PINX1: variants seen among roughly 807,000 people sequenced by gnomAD.
PINX1 encodes PIN2/TERF1-interacting telomerase inhibitor 1.
Under a neutral mutation model 25.4 loss-of-function variants are expected in PINX1, and 34 were observed. The observed-to-expected ratio is 1.34, with a 90% CI of 1.02 to 1.78. PINX1 has a LOEUF of 1.78. Ranked by LOEUF, PINX1 falls within the 40% of genes most tolerant of loss-of-function variation. The pLI, the probability that PINX1 is intolerant of heterozygous loss-of-function variation, is 0.00. For synonymous variants in PINX1, 197 were observed against 147.7 expected, an observed-to-expected ratio of 1.33 and a Z score of -2.42; for missense variants, 592 against 404.9, an observed-to-expected ratio of 1.46 and a Z score of -3.97.
intron 6 of PINX1, among the ~76,000 whole-genome samples, chr8:10,769,056 C>G (rs78781176): frequency 6.6e-6 from 1 of 152,208 alleles, no homozygotes; most frequent in South Asian, 2.1e-4. Flanking sequence ...TGTCTGTTTG[C>G]TAACTGTGTG....
intron 6 of PINX1, among the ~76,000 whole-genome samples, chr8:10,815,507 ATG>A (rs1373012309): frequency 3.9e-5 from 6 of 152,158 alleles, no homozygotes; most frequent in Non-Finnish European, 7.4e-5. Context: ...TTTTTTTTGA[ATG>A]AAGACTTTTA....
intron 6 of PINX1, among the ~76,000 whole-genome samples, chr8:10,791,079 A>C (rs1411266443): frequency 1.3e-5 from 2 of 151,890 alleles, no homozygotes; most frequent in African/African-American, 4.8e-5. Flanking sequence ...CACCTGGCTA[A>C]TTTTTTGTAT....
intron 6 of PINX1, among the ~76,000 whole-genome samples, chr8:10,807,249 G>C (rs1399252673): frequency 6.7e-6 from 1 of 149,328 alleles, no homozygotes; most frequent in East Asian, 2.0e-4. Flanking sequence ...CATAGCTCTT[G>C]AAAATTAAAA....
intron 6 of PINX1, among the ~76,000 whole-genome samples, chr8:10,803,833 T>C (rs1189721417): frequency 6.6e-6 from 1 of 152,234 alleles, no homozygotes; most frequent in African/African-American, 2.4e-5. Flanking sequence ...GAATTTTGTA[T>C]AACTCTTAGT....
At chr8:10,800,526 G>C (rs2129079614) in intron 6 of PINX1, among the ~76,000 whole-genome samples, 1 of 150,686 alleles carries the variant, frequency 6.6e-6, no homozygotes, top group East Asian at 2.0e-4. Flanking sequence ...CTGGAGTGCA[G>C]TGGCGTGATC....
intron 6 of PINX1, among the ~76,000 whole-genome samples, chr8:10,777,489 C>A (rs766799384): frequency 6.6e-6 from 1 of 152,140 alleles, no homozygotes; most frequent in Non-Finnish European, 1.5e-5. Context: ...GCTTTTCCTG[C>A]CACTTTCCAG....
At chr8:10,776,153 C>T (rs1044953899) in intron 6 of PINX1, among the ~76,000 whole-genome samples, 3 of 152,112 alleles carry the variant, frequency 2.0e-5, no homozygotes, top group East Asian at 1.9e-4. Flanking sequence ...GGGCTGGGGG[C>T]GCTGGCTCAC....
chr8:10,767,515 C>A (rs1394581285), intron 6 of PINX1, among the ~76,000 whole-genome samples: 1 of 152,050 alleles, frequency 6.6e-6, no homozygotes, highest in Non-Finnish European at 1.5e-5. Context: ...TATTACTATT[C>A]AATTTGTGCT....
intron 6 of PINX1, among the ~76,000 whole-genome samples, chr8:10,772,633 G>T (rs1177219651): frequency 6.6e-6 from 1 of 152,218 alleles, no homozygotes; most frequent in Non-Finnish European, 1.5e-5. Flanking sequence ...ATTTGCCTGG[G>T]AGACACAATC....
At chr8:10,770,100 A>G (rs530543880) in intron 6 of PINX1, among the ~76,000 whole-genome samples, 1 of 152,348 alleles carries the variant, frequency 6.6e-6, no homozygotes, top group East Asian at 1.9e-4. Context: ...AAAAAGTTTG[A>G]CTGTTTTAAA....
chr8:10,783,308 G>C (rs1339364907), intron 6 of PINX1, among the ~76,000 whole-genome samples: 2 of 152,134 alleles, frequency 1.3e-5, no homozygotes, highest in Non-Finnish European at 2.9e-5. Context: ...AATACCTGTG[G>C]ATGAAATAGT....
At chr8:10,787,913 T>C in intron 6 of PINX1, 1 of 408,432 alleles carries the variant, frequency 2.4e-6, no homozygotes, top group South Asian at 1.8e-5. Flanking sequence ...TATACAGACC[T>C]TGTTAGATTC....
intron 6 of PINX1, among the ~76,000 whole-genome samples, chr8:10,797,193 A>G (rs1440029901): frequency 2.0e-5 from 3 of 152,228 alleles, no homozygotes; most frequent in African/African-American, 7.2e-5. Flanking sequence ...GTCTTCAGCC[A>G]GGTTACTTTA....
At chr8:10,776,893 A>T (rs1282159118) in intron 6 of PINX1, among the ~76,000 whole-genome samples, 1 of 152,138 alleles carries the variant, frequency 6.6e-6, no homozygotes, top group Non-Finnish European at 1.5e-5. Context: ...TGTTTTCATG[A>T]TGTCACAGAA....
At chr8:10,837,889 G>C (rs540211350) in intron 1 of PINX1, among the ~76,000 whole-genome samples, 1 of 152,208 alleles carries the variant, frequency 6.6e-6, no homozygotes, top group African/African-American at 2.4e-5. Flanking sequence ...CTCCGTACTT[G>C]AGTCCTTACA....
At position 10,834,723 on chromosome 8, in the gene PINX1, A is replaced by G; in HGVS notation, c.72T>C (p.Asn24=). 1 of 1,613,930 alleles carries G rather than the reference A, an allele frequency of 6.2e-7. No homozygotes were observed. Among genetic ancestry groups the G allele is most frequent in the South Asian group, 1.1e-5 (1 of 91,074 alleles). The change falls in exon 2 of 7, where the codon AAT becomes AAC. Residue 24 remains asparagine (N), a synonymous_variant. Transcript: ENST00000314787. ...AVDPQNTAWS[N]DDSKFGQRML... The stretch of plus-strand genomic sequence containing the variant: ...TCCGCTGGCCAAACTTGGAATCGTC[A>G]TTACTCCAGGCAGTGTTCTGAGGAT...
At chr8:10,800,163 G>T (rs1463197442) in intron 6 of PINX1, among the ~76,000 whole-genome samples, 3 of 152,168 alleles carry the variant, frequency 2.0e-5, no homozygotes, top group Non-Finnish European at 4.4e-5. Context: ...TCCACAAAGT[G>T]AGACCTTGGG....
chr8:10,784,328 G>C (rs1586148255), intron 6 of PINX1, among the ~76,000 whole-genome samples: 1 of 152,336 alleles, frequency 6.6e-6, no homozygotes, highest in South Asian at 2.1e-4. Context: ...GGATCACAAA[G>C]TAAGCAGGCA....
intron 6 of PINX1, among the ~76,000 whole-genome samples, chr8:10,809,431 A>G (rs975075092): frequency 6.6e-6 from 1 of 152,220 alleles, no homozygotes; most frequent in Non-Finnish European, 1.5e-5. Flanking sequence ...TCTTCCTTTT[A>G]TCAAAAGCTG....
Sources: gnomAD v4.1 joint callset for allele counts (sites outside exome capture counted in the v4.1 genomes callset) on GRCh38, gnomAD v4.1.1 for gene constraint, MANE v1.5 for transcripts, NCBI Gene and HGNC (gene_info 2026-07-23, HGNC 2026-07-21) for gene names.